The following COMMD10 variants were observed in gnomAD, a reference collection of about 807,000 sequenced individuals.
The protein encoded by COMMD10 is COMM domain containing 10.
Under a neutral mutation model 28.9 loss-of-function variants are expected in COMMD10, and 33 were observed. That is an observed-to-expected ratio of 1.14 (90% confidence interval 0.87 to 1.53). The LOEUF (loss-of-function observed/expected upper bound fraction) is 1.53, where lower values mean the gene tolerates loss of function less well. Ranked by LOEUF, COMMD10 falls within the 40% of genes most tolerant of loss-of-function variation. COMMD10 has a pLI of 0.00. For synonymous variants in COMMD10, 110 were observed against 81.7 expected (o/e 1.35, Z -1.87); for missense variants, 310 against 233.4 (o/e 1.33, Z -2.14).
chr5:116,227,897 C>G (rs1749437367), intron 5 of COMMD10, among the ~76,000 whole-genome samples: 1 of 152,068 alleles, frequency 6.6e-6, no homozygotes. Flanking sequence ...AATCACTTAT[C>G]ACACTGCAGC....
chr5:116,186,094 G>A (rs1302427185), intron 5 of COMMD10, among the ~76,000 whole-genome samples: 1 of 152,018 alleles, frequency 6.6e-6, no homozygotes, highest in Non-Finnish European at 1.5e-5. Context: ...CTTTCTCCCT[G>A]TAGACTTTTT....
At chr5:116,143,815 T>C (rs1379756854) in intron 5 of COMMD10, among the ~76,000 whole-genome samples, 3 of 151,924 alleles carry the variant, frequency 2.0e-5, no homozygotes. Flanking sequence ...ATTTACTACA[T>C]GTGAGTTACT....
At chr5:116,233,583 A>G (rs1749583385) in intron 5 of COMMD10, among the ~76,000 whole-genome samples, 1 of 152,180 alleles carries the variant, frequency 6.6e-6, no homozygotes, top group Admixed American at 6.5e-5. Context: ...CTGTAATTTC[A>G]TAAGGTGGTC....
intron 4 of COMMD10, among the ~76,000 whole-genome samples, chr5:116,130,677 T>G (rs1001862053): frequency 2.0e-5 from 3 of 151,990 alleles, no homozygotes; most frequent in African/African-American, 7.2e-5. Context: ...AATATTTAAG[T>G]GGCGACTCTA....
chr5:116,251,378 G>C (rs1311201397), intron 5 of COMMD10, among the ~76,000 whole-genome samples: 27 of 146,628 alleles, frequency 1.8e-4, no homozygotes, highest in Admixed American at 3.4e-4. Flanking sequence ...TGCCATGCTG[G>C]TGTGCTGCAC....
intron 5 of COMMD10, among the ~76,000 whole-genome samples, chr5:116,265,887 C>A (rs1459304949): frequency 6.6e-6 from 1 of 151,692 alleles, no homozygotes; most frequent in South Asian, 2.1e-4. Context: ...AAGACAAGAT[C>A]CTACCCTTAA....
intron 5 of COMMD10, among the ~76,000 whole-genome samples, chr5:116,160,305 C>A (rs992042056): frequency 2.0e-5 from 3 of 152,120 alleles, no homozygotes; most frequent in Non-Finnish European, 2.9e-5. Flanking sequence ...TATAAATTTA[C>A]TCTGAAAATT....
intron 5 of COMMD10, among the ~76,000 whole-genome samples, chr5:116,269,797 AC>A (rs1157029181): frequency 4.0e-5 from 6 of 151,720 alleles, no homozygotes; most frequent in Non-Finnish European, 8.8e-5. Context: ...TTATTAAAGT[AC>A]CCTTCCTAGT....
chr5:116,152,627 A>G (rs1222407399), intron 5 of COMMD10, among the ~76,000 whole-genome samples: 3 of 152,124 alleles, frequency 2.0e-5, no homozygotes, highest in African/African-American at 7.2e-5. Flanking sequence ...TGTCAGTTTT[A>G]GAATAAGAGA....
At chr5:116,271,885 G>T (rs561900711) in intron 5 of COMMD10, among the ~76,000 whole-genome samples, 1 of 151,716 alleles carries the variant, frequency 6.6e-6, no homozygotes, top group South Asian at 2.1e-4. Flanking sequence ...TGATACAAAT[G>T]AGTTATCTTT....
intron 5 of COMMD10, among the ~76,000 whole-genome samples, chr5:116,254,533 T>A (rs1411476316): frequency 6.6e-6 from 1 of 151,208 alleles, no homozygotes; most frequent in African/African-American, 2.5e-5. Flanking sequence ...ACATCTTTAT[T>A]TCTGCCTTCA....
At chr5:116,289,600 C>T (rs189354956) in intron 5 of COMMD10, among the ~76,000 whole-genome samples, 22 of 151,838 alleles carry the variant, frequency 1.4e-4, no homozygotes, top group Non-Finnish European at 2.5e-4. Context: ...TGGGAATCCC[C>T]CAGAAAGCCA....
chr5:116,085,332 T>C (rs1750057147), intron 1 of COMMD10: 3 of 553,898 alleles, frequency 5.4e-6, no homozygotes, highest in Non-Finnish European at 9.5e-6. Flanking sequence ...GCAGCTGAGG[T>C]CTGTACGGAA....
intron 5 of COMMD10, among the ~76,000 whole-genome samples, chr5:116,137,309 G>A (rs553441062): frequency 6.6e-6 from 1 of 152,180 alleles, no homozygotes; most frequent in South Asian, 2.1e-4. Flanking sequence ...AAAAAGGAAT[G>A]AGGGTATAGA....
intron 5 of COMMD10, among the ~76,000 whole-genome samples, chr5:116,228,290 A>G (rs543827326): frequency 2.7e-4 from 41 of 152,008 alleles, no homozygotes; most frequent in Admixed American, 5.3e-4. Context: ...GTCAGCCACA[A>G]AATCATTATT....
intron 5 of COMMD10, among the ~76,000 whole-genome samples, chr5:116,201,834 G>A (rs975109474): frequency 1.3e-5 from 2 of 152,032 alleles, no homozygotes; most frequent in African/African-American, 4.8e-5. Context: ...TGACACAGGT[G>A]GGAATAGAAT....
At chr5:116,248,498 C>T (rs1054579309) in intron 5 of COMMD10, among the ~76,000 whole-genome samples, 1 of 151,952 alleles carries the variant, frequency 6.6e-6, no homozygotes, top group East Asian at 1.9e-4. Context: ...CTGATCTATG[C>T]CAGGTGTGCG....
intron 5 of COMMD10, among the ~76,000 whole-genome samples, chr5:116,288,015 C>T (rs1410922775): frequency 2.0e-5 from 3 of 151,464 alleles, no homozygotes; most frequent in Non-Finnish European, 4.4e-5. Context: ...CATGTATTTA[C>T]CTTTATTGAG....
chr5:116,236,791 A>T (rs375599381), intron 5 of COMMD10, among the ~76,000 whole-genome samples: 3 of 152,096 alleles, frequency 2.0e-5, no homozygotes, highest in African/African-American at 7.2e-5. Context: ...CCAAGAGTGA[A>T]CCCTAATGTA....
Sources: allele counts gnomAD v4.1 joint callset (sites outside exome capture counted in the v4.1 genomes callset), GRCh38; gene constraint gnomAD v4.1.1; transcripts MANE v1.5; gene names NCBI Gene and HGNC (gene_info 2026-07-23, HGNC 2026-07-21).